GOLGB1: variants seen among roughly 807,000 people sequenced by gnomAD.
The protein encoded by GOLGB1 is golgin B1.
A neutral mutation model predicts 336.9 loss-of-function variants in GOLGB1; 174 were observed. That is an observed-to-expected ratio of 0.52 (90% CI 0.46 to 0.59). GOLGB1 has a LOEUF of 0.59. GOLGB1 is among the 20% of genes least tolerant of loss of function. GOLGB1 has a pLI of 0.00. For missense variants in GOLGB1, 3,331 were observed against 3,645.3 expected (o/e 0.91, Z 2.22); for synonymous variants, 1,208 against 1,289.2 (o/e 0.94, Z 1.35).
intron 17 of GOLGB1, among the ~76,000 whole-genome samples, chr3:121,674,670 G>A (rs1351165641): frequency 6.6e-6 from 1 of 152,114 alleles, no homozygotes; most frequent in Non-Finnish European, 1.5e-5. Context: ...GGCCCAAGAA[G>A]CAATTCTCCT....
chr3:121,669,193 T>G lies in GOLGB1; in HGVS notation c.9321+19A>C. 2 of 1,612,304 alleles carry G rather than the reference T, an allele frequency of 1.2e-6. No individual in the cohort carries two copies. The highest frequency in any genetic ancestry group is 1.7e-6 in the Non-Finnish European group (2 of 1,179,396). On this transcript the variant is annotated intron_variant, in intron 18 of 21. Coordinates refer to ENST00000614479, the MANE Select transcript of GOLGB1 (RefSeq NM_001366282.2). Reference sequence around the variant, plus strand: ...ATTTCATCACACTTCTCCCAGTCTCTCACCTTCTCTTTACTCACCGCCTGC... The same window carrying G: ...ATTTCATCACACTTCTCCCAGTCTCGCACCTTCTCTTTACTCACCGCCTGC...
chr3:121,674,304 T>C (rs575566701), intron 17 of GOLGB1, among the ~76,000 whole-genome samples: 26 of 152,198 alleles, frequency 1.7e-4, no homozygotes, highest in Admixed American at 7.2e-4. Context: ...TGAATAACAG[T>C]GGTGAAAGTA....
chr3:121,745,550 A>G (rs1003920100), intron 1 of GOLGB1, among the ~76,000 whole-genome samples: 2 of 151,864 alleles, frequency 1.3e-5, no homozygotes, highest in Admixed American at 6.6e-5. Flanking sequence ...ATATATACAT[A>G]TGTATACGTG....
intron 20 of GOLGB1, among the ~76,000 whole-genome samples, chr3:121,666,827 C>A (rs573603976): frequency 6.6e-6 from 1 of 152,334 alleles, no homozygotes; most frequent in African/African-American, 2.4e-5. Context: ...TCCTCTCATG[C>A]ATAGTGATTC....
At chr3:121,721,596 T>C (rs572199351) in intron 6 of GOLGB1, among the ~76,000 whole-genome samples, 1 of 152,310 alleles carries the variant, frequency 6.6e-6, no homozygotes, top group South Asian at 2.1e-4. Flanking sequence ...TTGTACCACT[T>C]GTACTCCAGC....
chr3:121,727,336 T>A (rs1261493141), intron 4 of GOLGB1, among the ~76,000 whole-genome samples: 7 of 131,518 alleles, frequency 5.3e-5, no homozygotes, highest in Non-Finnish European at 8.1e-5. Flanking sequence ...TTTTTTTTTT[T>A]TTTTTTTTTT....
intron 10 of GOLGB1, among the ~76,000 whole-genome samples, chr3:121,707,371 C>G (rs12637274): frequency 1.3e-5 from 2 of 151,812 alleles, no homozygotes; most frequent in African/African-American, 4.8e-5. Flanking sequence ...CCTGTAATCC[C>G]AGCACTCTGG....
chr3:121,681,918 C>G, intron 14 of GOLGB1, 53 bp from the exon 15 acceptor site: 1 of 1,269,916 alleles, frequency 7.9e-7, no homozygotes, highest in Non-Finnish European at 1.1e-6. Flanking sequence ...ATTCATCTAA[C>G]TGTAAGTCAT....
Position 121,724,890 on chromosome 3 carries a change from G to A in GOLGB1, c.531+2023C>T, listed in dbSNP as rs561192776. Among the ~76,000 whole-genome samples, 5 of 152,298 alleles carry A rather than the reference G, an allele frequency of 3.3e-5. No individual in the cohort carries two copies. The East Asian group carries it at 9.6e-4, about 29-fold the overall frequency. On this transcript the variant is annotated intron_variant, in intron 5 of 21. Coordinates refer to ENST00000614479, the MANE Select transcript of GOLGB1 (RefSeq NM_001366282.2). ...TGCTCCTTGCAGCCCAGCTGTTCTG[G>A]TTAGTGCAAAGCAGCCGCAGGTATG...
chr3:121,694,004 C>G lies in GOLGB1; in HGVS notation c.6519G>C (p.Lys2173Asn). 1 of 1,614,152 alleles carries G rather than the reference C, an allele frequency of 6.2e-7. No homozygotes were observed. The highest frequency in any genetic ancestry group is 8.5e-7 in the Non-Finnish European group (1 of 1,180,026). The change falls in exon 13 of 22, where the codon AAG becomes AAC. Residue 2173 changes from lysine to asparagine, a missense_variant. Physicochemically the swap from Lys to Asn is moderately conservative, Grantham distance 94 (BLOSUM62 0). Transcript: ENST00000614479. ...TIGEIQVTLN[K>N]KDKEVQQLQE... ...GAAGTTGCTGAACTTCCTTGTCTTT[C>G]TTGTTCAAAGTAACCTGAATCTCTC...
chr3:121,733,950 CAT>C (rs903858690), intron 1 of GOLGB1, among the ~76,000 whole-genome samples: 1 of 152,062 alleles, frequency 6.6e-6, no homozygotes, highest in African/African-American at 2.4e-5. Context: ...TAGAAATAAA[CAT>C]AGGAGAACAT....
chr3:121,739,827 A>T (rs1005057388), intron 1 of GOLGB1, among the ~76,000 whole-genome samples: 2 of 152,216 alleles, frequency 1.3e-5, no homozygotes, highest in African/African-American at 2.4e-5. Context: ...ATATACAGGC[A>T]AATGGTTAAA....
chr3:121,722,770 G>A (rs1945288737), intron 5 of GOLGB1, among the ~76,000 whole-genome samples: 1 of 152,184 alleles, frequency 6.6e-6, no homozygotes, highest in Admixed American at 6.5e-5. Flanking sequence ...AAAGAAGGCA[G>A]CAAAAGAGTG....
At chr3:121,671,496 T>C (rs931487384) in intron 17 of GOLGB1, among the ~76,000 whole-genome samples, 2 of 152,186 alleles carry the variant, frequency 1.3e-5, no homozygotes, top group Non-Finnish European at 2.9e-5. Context: ...TCCCAGATAC[T>C]TAAAAAATTT....
chr3:121,706,733 CAAAAAAAAAAAA>C (rs1200925309), intron 10 of GOLGB1, among the ~76,000 whole-genome samples: 3 of 16,158 alleles, frequency 1.9e-4, no homozygotes, highest in South Asian at 5.3e-3. Context: ...GACTCTGTCT[CAAAAAAAAAAAA>C]AAAAAAAAAA....
intron 1 of GOLGB1, among the ~76,000 whole-genome samples, chr3:121,734,205 C>G (rs1946323487): frequency 6.6e-6 from 1 of 151,986 alleles, no homozygotes; most frequent in African/African-American, 2.4e-5. Context: ...GCCTGGCCAA[C>G]ATGGCAAAAC....
chr3:121,719,137 T>C (rs939167044), intron 7 of GOLGB1, among the ~76,000 whole-genome samples: 11 of 152,224 alleles, frequency 7.2e-5, no homozygotes, highest in Non-Finnish European at 8.8e-5. Flanking sequence ...CACAATGCAC[T>C]ACACACTAAG....
intron 14 of GOLGB1, among the ~76,000 whole-genome samples, chr3:121,686,590 A>G (rs911098060): frequency 6.6e-6 from 1 of 152,190 alleles, no homozygotes; most frequent in Non-Finnish European, 1.5e-5. Context: ...ACAAATAAGT[A>G]TAAGACATGA....
intron 6 of GOLGB1, 78 bp from the exon 7 acceptor site, chr3:121,719,846 C>A: frequency 7.8e-7 from 1 of 1,277,312 alleles, no homozygotes; most frequent in East Asian, 2.7e-5. Flanking sequence ...GACTACTTTC[C>A]AAGACAGACA....
Sources: gnomAD v4.1 joint callset for allele counts (sites outside exome capture counted in the v4.1 genomes callset) on GRCh38, gnomAD v4.1.1 for gene constraint, MANE v1.5 for transcripts, NCBI Gene and HGNC (gene_info 2026-07-23, HGNC 2026-07-21) for gene names.